Variants in TBCK observed in about 807,000 individuals in gnomAD.
The protein encoded by TBCK is TBC1 domain containing kinase.
In TBCK, 99 loss-of-function variants were observed where a neutral mutation model predicts 113.4. The observed-to-expected ratio is 0.87, with a 90% CI of 0.74 to 1.03. The LOEUF (loss-of-function observed/expected upper bound fraction) is 1.03, where lower values mean the gene tolerates loss of function less well. Among genes scored for constraint, TBCK ranks in the 50% least tolerant of loss-of-function variants. The pLI is 0.00. For missense variants in TBCK, 1,045 were observed against 1,061.3 expected, an observed-to-expected ratio of 0.98 and a Z score of 0.21; for synonymous variants, 369 against 370.8, an observed-to-expected ratio of 1.00 and a Z score of 0.05.
chr4:106,201,441 T>C (rs1418046789), intron 20 of TBCK, among the ~76,000 whole-genome samples: 2 of 152,148 alleles, frequency 1.3e-5, no homozygotes, highest in Admixed American at 6.5e-5. Context: ...AGCTATTTCC[T>C]GATTTAATAG....
chr4:106,076,977 A>T (rs1018499514), intron 25 of TBCK, among the ~76,000 whole-genome samples: 9 of 152,038 alleles, frequency 5.9e-5, no homozygotes, highest in African/African-American at 1.9e-4. Flanking sequence ...GGTGACATGC[A>T]CCTGTAGTCC....
intron 1 of TBCK, among the ~76,000 whole-genome samples, chr4:106,310,966 C>G (rs1768138350): frequency 1.3e-5 from 2 of 151,594 alleles, no homozygotes; most frequent in Admixed American, 1.3e-4. Context: ...AGAGAAATGG[C>G]CAATAGATAC....
At chr4:106,298,382 C>T (rs1766538199) in intron 2 of TBCK, among the ~76,000 whole-genome samples, 2 of 151,390 alleles carry the variant, frequency 1.3e-5, no homozygotes, top group African/African-American at 2.4e-5. Flanking sequence ...GGGAGGCAGG[C>T]GGATCACGAG....
chr4:106,277,990 A>G (rs1226574361), intron 3 of TBCK, among the ~76,000 whole-genome samples: 1 of 152,230 alleles, frequency 6.6e-6, no homozygotes, highest in Non-Finnish European at 1.5e-5. Flanking sequence ...AAATTTAGCT[A>G]CAATTAAATG....
At chr4:106,101,034 A>G (rs1741489039) in intron 24 of TBCK, among the ~76,000 whole-genome samples, 1 of 152,206 alleles carries the variant, frequency 6.6e-6, no homozygotes, top group African/African-American at 2.4e-5. Context: ...CTTCAGACAT[A>G]GGCCATTTCA....
At chr4:106,221,690 A>C (rs1207334105) in intron 19 of TBCK, among the ~76,000 whole-genome samples, 2 of 152,136 alleles carry the variant, frequency 1.3e-5, no homozygotes, top group Non-Finnish European at 2.9e-5. Context: ...GAAAAACAGA[A>C]TAAAACAAAG....
In TBCK at chr4:106,311,107, G is replaced by A. The variant is rs142519144; in HGVS notation, c.-29-2118C>T. On this transcript the variant is annotated intron_variant, in intron 1 of 25. Coordinates refer to ENST00000394708, the MANE Select transcript of TBCK (RefSeq NM_001163435.3). ...AATGTTAGAAGGATGTGGAAAAATA[G>A]GATCTCTAATTTGCTGTAAGTGGGA... is the stretch of plus-strand genomic sequence containing the variant. 3.7e-3 allele frequency among the ~76,000 whole-genome samples: 555 copies of A among 151,604 alleles called. 2 individuals are homozygous for A. Among genetic ancestry groups the A allele is most frequent in the Admixed American group, 5.6e-3 (85 of 15,206 alleles).
intron 3 of TBCK, among the ~76,000 whole-genome samples, chr4:106,287,903 A>G (rs1279056031): frequency 1.3e-5 from 2 of 152,186 alleles, no homozygotes; most frequent in Non-Finnish European, 2.9e-5. Context: ...AAGGAATTAT[A>G]TGAGTTAATA....
chr4:106,308,468 G>A (rs1297043901), intron 2 of TBCK, among the ~76,000 whole-genome samples: 2 of 152,126 alleles, frequency 1.3e-5, no homozygotes, highest in Non-Finnish European at 2.9e-5. Context: ...GGCATGAAGG[G>A]TTAAATTAGT....
chr4:106,065,176 T>C (rs1031440397), intron 25 of TBCK, among the ~76,000 whole-genome samples: 2 of 152,004 alleles, frequency 1.3e-5, no homozygotes, highest in African/African-American at 4.8e-5. Context: ...CTTGTTTACT[T>C]AATACATGAT....
intron 25 of TBCK, among the ~76,000 whole-genome samples, chr4:106,073,414 A>G (rs1007796857): frequency 1.5e-4 from 23 of 152,164 alleles, no homozygotes; most frequent in Admixed American, 5.2e-4. Context: ...TTGCCTGGGT[A>G]TCACCAGCGG....
intron 23 of TBCK, among the ~76,000 whole-genome samples, chr4:106,143,449 C>T (rs1016402984): frequency 4.6e-5 from 7 of 151,972 alleles, no homozygotes; most frequent in South Asian, 2.1e-4. Flanking sequence ...TATGATTTCC[C>T]GAAGATAATG....
chr4:106,268,330 T>C (rs765485678), intron 3 of TBCK, among the ~76,000 whole-genome samples: 3 of 152,082 alleles, frequency 2.0e-5, no homozygotes, highest in East Asian at 1.9e-4. Context: ...TATTTCTATA[T>C]AAGCTTGTCT....
At chr4:106,077,564 A>G (rs1738357014) in intron 25 of TBCK, among the ~76,000 whole-genome samples, 1 of 152,142 alleles carries the variant, frequency 6.6e-6, no homozygotes, top group Non-Finnish European at 1.5e-5. Context: ...TCGAACAAAG[A>G]AAAATATTAC....
chr4:106,224,756 A>G (rs1176123419), intron 19 of TBCK, among the ~76,000 whole-genome samples: 12 of 152,126 alleles, frequency 7.9e-5, no homozygotes, highest in Non-Finnish European at 1.6e-4. Flanking sequence ...ATATTTTATC[A>G]TCCCATTTTA....
chr4:106,262,896 T>G (rs900149874), intron 3 of TBCK, among the ~76,000 whole-genome samples: 3 of 152,024 alleles, frequency 2.0e-5, no homozygotes, highest in Non-Finnish European at 4.4e-5. Flanking sequence ...TAAATACTGC[T>G]ACTTAGCAGT....
At chr4:106,313,466 T>A (rs890297911) in intron 1 of TBCK, among the ~76,000 whole-genome samples, 1 of 152,186 alleles carries the variant, frequency 6.6e-6, no homozygotes, top group African/African-American at 2.4e-5. Context: ...TTATCAGTCA[T>A]AAGAGCAAAT....
At chr4:106,154,442 T>G (rs972249873) in intron 23 of TBCK, among the ~76,000 whole-genome samples, 3 of 152,198 alleles carry the variant, frequency 2.0e-5, no homozygotes, top group African/African-American at 7.2e-5. Context: ...TAGTTATTAT[T>G]TGACATGATT....
At chr4:106,168,368 A>C (rs941437976) in intron 23 of TBCK, among the ~76,000 whole-genome samples, 3 of 151,866 alleles carry the variant, frequency 2.0e-5, no homozygotes, top group African/African-American at 4.8e-5. Context: ...AACATCTACA[A>C]AAACCTACAG....
Sources: allele counts gnomAD v4.1 joint callset (sites outside exome capture counted in the v4.1 genomes callset), GRCh38; gene constraint gnomAD v4.1.1; transcripts MANE v1.5; gene names NCBI Gene and HGNC (gene_info 2026-07-23, HGNC 2026-07-21).